Variants in FAM120B observed in about 807,000 individuals in gnomAD.
FAM120B encodes the protein constitutive coactivator of peroxisome proliferator-activated receptor gamma.
A neutral mutation model predicts 96.3 loss-of-function variants in FAM120B; 83 were observed. The ratio of observed to expected loss-of-function variants is 0.86; its 90% confidence interval spans 0.72 to 1.03. FAM120B has a LOEUF of 1.03. Ranked by LOEUF, FAM120B falls within the 50% of genes least tolerant of loss-of-function variation. The probability of loss-of-function intolerance (pLI) is 0.00; values close to 1 mark genes in which losing one functional copy is unlikely to be tolerated. For missense variants in FAM120B, 1,027 were observed against 1,121.2 expected (o/e 0.92, Z 1.20); for synonymous variants, 407 against 402.7 (o/e 1.01, Z -0.13).
At chr6:170,332,637 G>T (rs1051205714) in intron 4 of FAM120B, among the ~76,000 whole-genome samples, 4 of 152,136 alleles carry the variant, frequency 2.6e-5, no homozygotes, top group African/African-American at 9.7e-5. Flanking sequence ...GGCGGAGGTT[G>T]CAGTGAGCCG....
At chr6:170,391,158 G>A (rs1241189286) in intron 8 of FAM120B, 37 bp downstream of exon 8, 7 of 1,388,740 alleles carry the variant, frequency 5.0e-6, no homozygotes, top group South Asian at 1.2e-5. Flanking sequence ...AGCCCCACAA[G>A]CGTAGACCCT....
In FAM120B at chr6:170,406,046, T is replaced by A. The variant is rs1428340195; in HGVS notation, c.*1295T>A. ...AAAATTAAGTTCAGAGTAATCCTTT[T>A]CATGGAAGAATCTTCAGGTCACCAA... On this transcript the variant is annotated 3_prime_UTR_variant, in exon 11 of 11. Transcript: ENST00000476287. 1 of 152,232 alleles carries A rather than the reference T, an allele frequency of 6.6e-6. No homozygotes were observed. 9.4% of individuals were successfully genotyped at this position (152,232 alleles called of 1,614,324 possible).
At position 170,318,113 on chromosome 6, in the gene FAM120B, C is replaced by T. The variant is rs1201027789; in HGVS notation, c.723C>T (p.Ser241=). 6.2e-7 allele frequency: 1 copy of T among 1,614,064 alleles called. No homozygotes were observed. The highest frequency in any genetic ancestry group is 8.5e-7 in the Non-Finnish European group (1 of 1,180,048). The change falls in exon 2 of 11, where the codon AGC becomes AGT. Residue 241 remains serine (S), a synonymous_variant. Transcript: ENST00000476287. ...TAATCCCAGAGGGCATGTTTGAAAG[C>T]TTTAGGTACAAATGCTTATCGTCCT... The part of the protein sequence containing the change: ...NDIIPEGMFE[S]FRYKCLSSYT...
chr6:170,308,301 G>A (rs1198324269), intron 1 of FAM120B, among the ~76,000 whole-genome samples: 2 of 151,928 alleles, frequency 1.3e-5, no homozygotes, highest in Non-Finnish European at 2.9e-5. Context: ...GCTGGGTCGG[G>A]GTCTTCACTG....
chr6:170,362,684 CTTTT>C (rs759098041), intron 6 of FAM120B, among the ~76,000 whole-genome samples: 2 of 139,814 alleles, frequency 1.4e-5, no homozygotes, highest in Admixed American at 7.2e-5. Flanking sequence ...TTTCTTTTTT[CTTTT>C]TTTTTTTTTT....
chr6:170,297,140 G>C (rs1405186452), intron 1 of FAM120B, among the ~76,000 whole-genome samples: 3 of 152,238 alleles, frequency 2.0e-5, no homozygotes, highest in Non-Finnish European at 4.4e-5. Flanking sequence ...AGCCTCTGGA[G>C]TGGCCCCTGG....
At chr6:170,382,096 T>C (rs1789936958) in intron 6 of FAM120B, among the ~76,000 whole-genome samples, 2 of 152,178 alleles carry the variant, frequency 1.3e-5, no homozygotes, top group African/African-American at 2.4e-5. Context: ...CATGATTCTC[T>C]AAATAAAAAA....
intron 4 of FAM120B, among the ~76,000 whole-genome samples, chr6:170,346,571 G>T (rs1487713243): frequency 6.6e-6 from 1 of 152,162 alleles, no homozygotes; most frequent in Non-Finnish European, 1.5e-5. Context: ...CATGGTCTCT[G>T]TTACTTAGGT....
chr6:170,361,825 G>A (rs1050994853), intron 6 of FAM120B, among the ~76,000 whole-genome samples: 3 of 152,046 alleles, frequency 2.0e-5, no homozygotes, highest in South Asian at 4.1e-4. Flanking sequence ...ACAGAGCCTC[G>A]CTCTGTTGCC....
intron 1 of FAM120B, 96 bp downstream of exon 1, chr6:170,306,938 C>T (rs1275086567): frequency 6.6e-6 from 1 of 152,320 alleles, no homozygotes; most frequent in Admixed American, 6.5e-5. Flanking sequence ...GCGCGTCAGC[C>T]CCTCGGCTTC....
Position 170,391,119 on chromosome 6 carries a change from C to G in FAM120B, c.2597C>G (p.Ala866Gly). The G allele has an allele frequency of 6.2e-7, 1 of 1,612,274 alleles. No homozygotes were observed. Among genetic ancestry groups the G allele is most frequent in the East Asian group, 2.2e-5 (1 of 44,872 alleles). ...CGAGCCCACTGGGGCTCACACCACG[C>G]AGGTGGGAAAGGGCCAGGTGCCTCT... ...TGRAHWGSHH[A>G]GRWGRQGSSY... The change falls in exon 8 of 11, where the codon GCA (alanine) becomes GGA (glycine). Residue 866 changes from alanine to glycine, a missense_variant and splice_region_variant. By Grantham distance (60) the Ala-to-Gly change is moderately conservative (BLOSUM62 0). Around this residue, in one of 3 missense-constraint regions of FAM120B, gnomAD observed 142 missense variants for 122.5 expected, o/e 1.16. Transcript: ENST00000476287.
intron 8 of FAM120B, 110 bp downstream of exon 8, chr6:170,391,231 C>T (rs759506020): frequency 1.3e-6 from 1 of 796,766 alleles, no homozygotes; most frequent in Non-Finnish European, 2.2e-6. Context: ...ATTGGATGAA[C>T]AGAATAGAAT....
chr6:170,361,195 C>CGT (rs1491313840), intron 6 of FAM120B, among the ~76,000 whole-genome samples: 1,033 of 26,840 alleles, frequency 0.038, 31 homozygotes, highest in African/African-American at 0.089. Context: ...TATATATATA[C>CGT]GTGTATATAT....
chr6:170,378,811 G>A (rs1789734489), intron 6 of FAM120B, among the ~76,000 whole-genome samples: 1 of 152,268 alleles, frequency 6.6e-6, no homozygotes, highest in South Asian at 2.1e-4. Flanking sequence ...TGTGGGCAGG[G>A]TGGGCTGCAC....
chr6:170,311,368 GT>G lies in FAM120B; in HGVS notation c.-22+4534del, dbSNP rs530394334. On this transcript the variant is annotated intron_variant, in intron 1 of 10. Transcript: ENST00000476287. ...TAGGTTCTAGACATACTGAAGGTGA[GT>G]TTTTTTTCCCCATTTCTACACTTGA... Among the ~76,000 whole-genome samples the G allele has an allele frequency of 2.6e-4, 40 of 152,142 alleles. No individual in the cohort carries two copies. In the East Asian group the frequency reaches 3.9e-3, roughly 15 times the overall value.
intron 6 of FAM120B, among the ~76,000 whole-genome samples, chr6:170,366,789 A>G (rs1374640314): frequency 6.6e-6 from 1 of 152,224 alleles, no homozygotes; most frequent in East Asian, 1.9e-4. Flanking sequence ...CAAAGTGAAC[A>G]GTGTTCTGGG....
chr6:170,300,885 G>A (rs1784125931), intron 1 of FAM120B, among the ~76,000 whole-genome samples: 1 of 152,098 alleles, frequency 6.6e-6, no homozygotes, highest in South Asian at 2.1e-4. Flanking sequence ...CTGTGGCATT[G>A]CAGGGTAAAC....
chr6:170,389,228 A>G (rs906428544), intron 7 of FAM120B, among the ~76,000 whole-genome samples: 2 of 152,220 alleles, frequency 1.3e-5, no homozygotes, highest in African/African-American at 4.8e-5. Context: ...AAGTTCATGT[A>G]TGTCTCATAT....
intron 1 of FAM120B, among the ~76,000 whole-genome samples, chr6:170,315,737 T>C (rs970479837): frequency 1.3e-5 from 2 of 152,172 alleles, no homozygotes; most frequent in Admixed American, 1.3e-4. Context: ...TTAATGTGGC[T>C]ATTAAAAGCA....
Sources: allele counts gnomAD v4.1 joint callset (sites outside exome capture counted in the v4.1 genomes callset), GRCh38; gene constraint gnomAD v4.1.1; regional missense constraint gnomAD v4.1.1; transcripts MANE v1.5; gene names NCBI Gene and HGNC (gene_info 2026-07-23, HGNC 2026-07-21).